Variants in MCTP1 observed in about 807,000 individuals in gnomAD.
The protein encoded by MCTP1 is multiple C2 and transmembrane domain-containing protein 1.
MCTP1 carries 69 observed loss-of-function variants against 120.6 expected under a neutral mutation model. That is an observed-to-expected ratio of 0.57 (90% confidence interval 0.47 to 0.70). The LOEUF (loss-of-function observed/expected upper bound fraction) is 0.70. Among genes scored for constraint, MCTP1 ranks in the 30% least tolerant of loss-of-function variants. The pLI, the probability that MCTP1 is intolerant of heterozygous loss-of-function variation, is 0.00. For missense variants in MCTP1, 1,203 were observed against 1,248.8 expected (o/e 0.96, Z 0.55); for synonymous variants, 529 against 493.1 (o/e 1.07, Z -0.96).
intron 1 of MCTP1, among the ~76,000 whole-genome samples, chr5:95,267,793 T>G (rs1759025204): frequency 6.6e-6 from 1 of 152,196 alleles, no homozygotes; most frequent in Non-Finnish European, 1.5e-5. Context: ...TCTGCAAGGT[T>G]CTGCATAATC....
intron 1 of MCTP1, among the ~76,000 whole-genome samples, chr5:95,212,435 C>T (rs914302969): frequency 6.6e-6 from 1 of 151,870 alleles, no homozygotes; most frequent in African/African-American, 2.4e-5. Context: ...ACCAGAGGTA[C>T]AAGGAGGAAC....
rs371074531 is a variant in MCTP1 at position 95,102,015 on chromosome 5, T to C, written c.721-84531A>G. On this transcript the variant is annotated intron_variant, in intron 1 of 22. Coordinates refer to ENST00000515393, the MANE Select transcript of MCTP1 (RefSeq NM_024717.7). ...TGGTAAATTGTGAATGTAGCCACAA[T>C]TTATCATATTAATTTTTCTGTATTA... Among the ~76,000 whole-genome samples, 341 of 152,274 alleles carry C rather than the reference T, an allele frequency of 2.2e-3. 4 individuals carry two copies. The highest frequency in any genetic ancestry group is 7.8e-3 in the African/African-American group (323 of 41,546).
chr5:94,749,654 CAAAAAAAAAAAAAAA>C (rs57404381), intron 19 of MCTP1, among the ~76,000 whole-genome samples: 11 of 50,948 alleles, frequency 2.2e-4, no homozygotes, highest in Admixed American at 3.5e-4. Context: ...GACTTCATCT[CAAAAAAAAAAAAAAA>C]AAAAAAAAAA....
intron 1 of MCTP1, among the ~76,000 whole-genome samples, chr5:95,265,289 CT>C (rs1465008803): frequency 6.6e-6 from 1 of 152,106 alleles, no homozygotes; most frequent in Non-Finnish European, 1.5e-5. Flanking sequence ...ACCCAGCTTC[CT>C]TTTCATAGGC....
chr5:94,716,683 A>C (rs1056140096), intron 19 of MCTP1, among the ~76,000 whole-genome samples: 9 of 152,184 alleles, frequency 5.9e-5, no homozygotes, highest in Non-Finnish European at 8.8e-5. Context: ...GTGAAAAACT[A>C]TTTCACAGTA....
intron 1 of MCTP1, among the ~76,000 whole-genome samples, chr5:95,176,218 G>C (rs1747956823): frequency 6.6e-6 from 1 of 152,026 alleles, no homozygotes; most frequent in African/African-American, 2.4e-5. Context: ...TCTAGGTCTG[G>C]GGCACATAAG....
intron 1 of MCTP1, among the ~76,000 whole-genome samples, chr5:95,075,119 GAA>G (rs1389204666): frequency 6.6e-6 from 1 of 152,228 alleles, no homozygotes; most frequent in Admixed American, 6.5e-5. Flanking sequence ...TTCAGGTAAA[GAA>G]AGAGATCATG....
At chr5:94,988,213 G>A (rs1398639463) in intron 2 of MCTP1, among the ~76,000 whole-genome samples, 1 of 152,044 alleles carries the variant, frequency 6.6e-6, no homozygotes, top group Non-Finnish European at 1.5e-5. Context: ...TACTCTTCAT[G>A]AATACTATAC....
intron 1 of MCTP1, among the ~76,000 whole-genome samples, chr5:95,046,992 T>C (rs1744705390): frequency 6.6e-6 from 1 of 152,184 alleles, no homozygotes; most frequent in African/African-American, 2.4e-5. Context: ...TTGAAAGCAA[T>C]GATTTTTAAC....
At position 95,060,610 on chromosome 5, in the gene MCTP1, G is replaced by A. The variant is rs541388295; in HGVS notation, c.721-43126C>T. On this transcript the variant is annotated intron_variant, in intron 1 of 22. Transcript: ENST00000515393. ...AAAAAATTATCATCGTCTGTTGCTA[G>A]TTTATGAGTCTATCTAAATTGACTT... Among the ~76,000 whole-genome samples, 4 of 152,270 alleles carry A rather than the reference G, an allele frequency of 2.6e-5. No individual in the cohort carries two copies. In the South Asian group the frequency reaches 8.3e-4, roughly 32 times the overall value.
chr5:95,202,234 T>C (rs1213680338), intron 1 of MCTP1, among the ~76,000 whole-genome samples: 1 of 152,182 alleles, frequency 6.6e-6, no homozygotes, highest in African/African-American at 2.4e-5. Context: ...TTCTTCCCTT[T>C]TCGTGGACAT....
At chr5:95,081,579 C>G (rs1385255646) in intron 1 of MCTP1, 1 of 1,492,530 alleles carries the variant, frequency 6.7e-7, no homozygotes, top group African/African-American at 1.4e-5. Flanking sequence ...AGAGGCTGTT[C>G]ACCTCCAAGT....
chr5:95,214,133 T>A (rs13154698), intron 1 of MCTP1, among the ~76,000 whole-genome samples: 18 of 149,054 alleles, frequency 1.2e-4, no homozygotes, highest in African/African-American at 3.7e-4. Flanking sequence ...AGGGCTAATA[T>A]CCAGAATCTA....
chr5:95,275,725 C>T (rs1314795355), intron 1 of MCTP1, among the ~76,000 whole-genome samples: 1 of 152,074 alleles, frequency 6.6e-6, no homozygotes, highest in Non-Finnish European at 1.5e-5. Flanking sequence ...ACACTTATAG[C>T]CCATCTCAAT....
chr5:95,006,163 T>C (rs1386996073), intron 2 of MCTP1, among the ~76,000 whole-genome samples: 1 of 152,144 alleles, frequency 6.6e-6, no homozygotes, highest in African/African-American at 2.4e-5. Flanking sequence ...ATCAATGTAG[T>C]AACAAAACAA....
chr5:95,177,290 G>A (rs1426463827), intron 1 of MCTP1, among the ~76,000 whole-genome samples: 7 of 152,126 alleles, frequency 4.6e-5, no homozygotes, highest in Non-Finnish European at 7.4e-5. Flanking sequence ...AGGCAGAGCT[G>A]TAGGGAAGAC....
At chr5:95,041,975 G>T (rs989427668) in intron 1 of MCTP1, among the ~76,000 whole-genome samples, 3 of 152,122 alleles carry the variant, frequency 2.0e-5, no homozygotes, top group Non-Finnish European at 4.4e-5. Context: ...ACAGAACTCT[G>T]CCTGTGAGCT....
intron 18 of MCTP1, chr5:94,792,163 C>T (rs255346): frequency 0.67 from 102,380 of 152,596 alleles, 36,044 homozygotes; most frequent in Middle Eastern, 0.79. Flanking sequence ...TCTTCCACCA[C>T]GCTGCACATC....
chr5:94,708,704 A>G (rs933686445), intron 21 of MCTP1, 95 bp from the exon 22 acceptor site: 17 of 702,264 alleles, frequency 2.4e-5, no homozygotes, highest in Non-Finnish European at 3.7e-5. Context: ...CAATGAACCA[A>G]TACACCCAGT....
Sources: gnomAD v4.1 joint callset for allele counts (sites outside exome capture counted in the v4.1 genomes callset) on GRCh38, gnomAD v4.1.1 for gene constraint, MANE v1.5 for transcripts, NCBI Gene and HGNC (gene_info 2026-07-23, HGNC 2026-07-21) for gene names.